Variants in SYNE2 observed in about 807,000 individuals in gnomAD.
The protein encoded by SYNE2 is nesprin-2.
Under a neutral mutation model 856.3 loss-of-function variants are expected in SYNE2, and 431 were observed. That is an observed-to-expected ratio of 0.50 (90% confidence interval 0.47 to 0.55). The LOEUF is 0.55. Among genes scored for constraint, SYNE2 ranks in the 20% least tolerant of loss-of-function variants. The probability of loss-of-function intolerance (pLI) is 0.00; values close to 1 mark genes in which losing one functional copy is unlikely to be tolerated. For missense variants in SYNE2, 8,129 were observed against 8,023.2 expected (o/e 1.01, Z -0.50); for synonymous variants, 2,923 against 2,872.3 (o/e 1.02, Z -0.56).
In SYNE2 at chr14:64,212,156, C is replaced by G. The variant is rs2098644775; in HGVS notation, c.18861+58C>G. On this transcript the variant is annotated intron_variant, in intron 104 of 115. Coordinates refer to ENST00000555002, the MANE Select transcript of SYNE2 (RefSeq NM_182914.3). ...AAGAACACACCTTTGCGTGGGAGAG[C>G]TGGCCAAGTGCAAATTTCACACGAT... 5.0e-6 allele frequency: 8 copies of G among 1,610,558 alleles called. No homozygotes were observed. The East Asian group carries it at 1.8e-4, about 36-fold the overall frequency.
At chr14:63,801,015 T>C (rs371410633) in intron 1 of SYNE2, among the ~76,000 whole-genome samples, 5 of 152,336 alleles carry the variant, frequency 3.3e-5, no homozygotes, top group Admixed American at 6.5e-5. Context: ...CAAGGAATTA[T>C]GAAGATAAGT....
chr14:64,139,496 C>T (rs973961494), intron 79 of SYNE2, among the ~76,000 whole-genome samples: 10 of 151,996 alleles, frequency 6.6e-5, no homozygotes, highest in Non-Finnish European at 1.3e-4. Flanking sequence ...ACTGCAACCT[C>T]CACCTCTTGG....
intron 30 of SYNE2, among the ~76,000 whole-genome samples, chr14:64,005,717 G>C (rs549038850): frequency 6.6e-6 from 1 of 152,164 alleles, no homozygotes; most frequent in African/African-American, 2.4e-5. Flanking sequence ...AAAAATACAT[G>C]GCATTAGGAA....
intron 23 of SYNE2, among the ~76,000 whole-genome samples, chr14:63,995,767 A>ATCTATCTATCTATCTG (rs2096709540): frequency 1.3e-5 from 2 of 151,684 alleles, no homozygotes; most frequent in South Asian, 4.2e-4. Context: ...CTATCTATCT[A>ATCTATCTATCTATCTG]GATATATATA....
In SYNE2 at chr14:64,032,002, TC is replaced by T. The variant is rs549278999; in HGVS notation, c.7221+648del. Among the ~76,000 whole-genome samples the T allele has an allele frequency of 5.7e-3, 868 of 152,306 alleles. 7 individuals carry two copies. The highest frequency in any genetic ancestry group is 0.02 in the African/African-American group (825 of 41,556). ...CCAGTAAACTGTATTTGAGAGGATC[TC>T]CCTGACACGCAGCTTCTCACAGTCA... On this transcript the variant is annotated intron_variant, in intron 45 of 115. Transcript: ENST00000555002.
At chr14:63,888,168 A>G (rs2095041567) in intron 1 of SYNE2, among the ~76,000 whole-genome samples, 1 of 152,214 alleles carries the variant, frequency 6.6e-6, no homozygotes. Context: ...TATGTTCAGT[A>G]CGTTCTGTAC....
intron 57 of SYNE2, 98 bp from the exon 58 acceptor site, chr14:64,087,573 G>T (rs2153621909): frequency 7.6e-7 from 1 of 1,307,596 alleles, no homozygotes; most frequent in Non-Finnish European, 1.1e-6. Context: ...AGTTTAAAAT[G>T]TTGAGATAAC....
At chr14:63,962,424 A>T (rs1426899413) in intron 9 of SYNE2, among the ~76,000 whole-genome samples, 1 of 152,152 alleles carries the variant, frequency 6.6e-6, no homozygotes, top group Non-Finnish European at 1.5e-5. Flanking sequence ...CATAAAATTC[A>T]TCTATTTAAT....
intron 8 of SYNE2, among the ~76,000 whole-genome samples, chr14:63,959,894 AT>A (rs1344401557): frequency 2.0e-5 from 3 of 152,190 alleles, no homozygotes; most frequent in Non-Finnish European, 4.4e-5. Context: ...CAGGCAACTA[AT>A]GAAATAGACA....
intron 45 of SYNE2, among the ~76,000 whole-genome samples, chr14:64,045,372 A>G (rs2097178462): frequency 6.6e-6 from 1 of 151,394 alleles, no homozygotes; most frequent in African/African-American, 2.4e-5. Context: ...GATGATGAAT[A>G]ACAGATAAAG....
At chr14:63,885,671 A>G (rs1011215969) in intron 1 of SYNE2, among the ~76,000 whole-genome samples, 12 of 152,200 alleles carry the variant, frequency 7.9e-5, no homozygotes, top group Non-Finnish European at 1.5e-4. Context: ...GCGTGATCAT[A>G]GCTCACTGCA....
At chr14:63,910,950 GT>G (rs1441157189) in intron 2 of SYNE2, among the ~76,000 whole-genome samples, 6 of 152,096 alleles carry the variant, frequency 3.9e-5, no homozygotes, top group South Asian at 2.1e-4. Flanking sequence ...CAGATGTCTG[GT>G]TTTTTTCTGC....
chr14:64,084,070 G>T (rs1488977976), intron 57 of SYNE2, among the ~76,000 whole-genome samples: 1 of 152,002 alleles, frequency 6.6e-6, no homozygotes. Flanking sequence ...GATTACAGGC[G>T]TGTGCCACCA....
At chr14:63,764,225 T>G (rs1009397591) in intron 1 of SYNE2, among the ~76,000 whole-genome samples, 20 of 152,320 alleles carry the variant, frequency 1.3e-4, no homozygotes, top group African/African-American at 4.8e-4. Context: ...GACATATACC[T>G]GAAAGCTTAG....
intron 11 of SYNE2, among the ~76,000 whole-genome samples, chr14:63,968,281 G>A (rs1313917145): frequency 1.3e-5 from 2 of 150,880 alleles, no homozygotes; most frequent in African/African-American, 4.9e-5. Flanking sequence ...AAATGGGATT[G>A]TGTTTTTATA....
At chr14:64,161,630 A>G (rs984368617) in intron 87 of SYNE2, among the ~76,000 whole-genome samples, 4 of 151,936 alleles carry the variant, frequency 2.6e-5, no homozygotes, top group African/African-American at 9.7e-5. Flanking sequence ...TCACACCTAT[A>G]ATCCCAACAC....
intron 21 of SYNE2, among the ~76,000 whole-genome samples, chr14:63,992,560 C>T (rs1003936112): frequency 6.6e-5 from 10 of 152,162 alleles, no homozygotes; most frequent in Admixed American, 5.9e-4. Context: ...GGATTATGGA[C>T]GTGAGCCACT....
chr14:64,202,900 C>T lies in SYNE2; in HGVS notation c.18138C>T (p.Ser6046=), dbSNP rs770053605. 5 of 1,614,176 alleles carry T rather than the reference C, an allele frequency of 3.1e-6. No homozygotes were observed. The South Asian group carries it at 5.5e-5, about 18-fold the overall frequency. ...TWLARIESEL[S]KPVVYDVCDD... ...TGGCTCGAATTGAGTCTGAGCTTTCCAAGCCTGTTGTTTATGATGTCTGCG... is the reference window on the plus strand; with the variant it reads ...TGGCTCGAATTGAGTCTGAGCTTTCTAAGCCTGTTGTTTATGATGTCTGCG... Residue 6046 remains serine, a synonymous_variant, in exon 100 of 116, where the codon TCC becomes TCT. Transcript: ENST00000555002.
intron 71 of SYNE2, 58 bp from the exon 72 acceptor site, chr14:64,126,269 T>G: frequency 6.7e-7 from 1 of 1,484,120 alleles, no homozygotes; most frequent in Non-Finnish European, 9.4e-7. Context: ...AGGCAAAATA[T>G]AGGTCTAGGA....
Sources: allele counts gnomAD v4.1 joint callset (sites outside exome capture counted in the v4.1 genomes callset), GRCh38; gene constraint gnomAD v4.1.1; transcripts MANE v1.5; gene names NCBI Gene and HGNC (gene_info 2026-07-23, HGNC 2026-07-21).